Variants in CAND2 observed in about 807,000 individuals in gnomAD.
CAND2 encodes the protein cullin associated and neddylation dissociated 2 (putative), also known as cullin-associated NEDD8-dissociated protein 2.
In CAND2, 62 loss-of-function variants were observed where a neutral mutation model predicts 98.9. That is an observed-to-expected ratio of 0.63 (90% confidence interval 0.51 to 0.77). The LOEUF is 0.77. CAND2 is among the 30% of genes least tolerant of loss of function. The pLI, the probability that CAND2 is intolerant of heterozygous loss-of-function variation, is 0.00. For synonymous variants in CAND2, 770 were observed against 731.9 expected, an observed-to-expected ratio of 1.05 and a Z score of -0.84; for missense variants, 1,501 against 1,655.2, an observed-to-expected ratio of 0.91 and a Z score of 1.62.
chr3:12,833,118 C>T (rs2062068839), intron 14 of CAND2, among the ~76,000 whole-genome samples: 1 of 152,182 alleles, frequency 6.6e-6, no homozygotes, highest in African/African-American at 2.4e-5. Context: ...AGCTGTTACC[C>T]ACTGCATTGA....
rs1173849407 is a variant in CAND2 at position 12,796,774 on chromosome 3, C to A, written c.54C>A (p.Ser18Arg). 4 of 1,588,706 alleles carry A rather than the reference C, an allele frequency of 2.5e-6. No homozygotes were observed. In the African/African-American group the frequency reaches 5.4e-5, roughly 21 times the overall value. The change falls in exon 1 of 15, where the codon AGC becomes AGA. Residue 18 changes from serine to arginine, a missense_variant. Physicochemically the swap from Ser to Arg is moderately radical, Grantham distance 110. This residue lies in a region of CAND2 where 62 missense variants were observed against 77.3 expected (regional missense o/e 0.80). Coordinates refer to ENST00000456430, the MANE Select transcript of CAND2 (RefSeq NM_001162499.2). ...ISSLLEKMTS[S>R]DKDFRFMATS... The stretch of plus-strand genomic sequence containing the variant: ...GCCTCCTGGAGAAGATGACGTCCAG[C>A]GACAAGGACTTCAGGTGCAGCCCGC...
intron 1 of CAND2, among the ~76,000 whole-genome samples, chr3:12,797,516 T>C (rs2061735406): frequency 6.6e-6 from 1 of 151,898 alleles, no homozygotes. Context: ...TCTTTCCCCC[T>C]CTCACAGCAT....
rs769388178 is a variant in CAND2, at chr3:12,815,106, A to G, written c.1007-35A>G. On this transcript the variant is annotated intron_variant, in intron 7 of 14. Transcript: ENST00000456430. This position sits in a 1 kb window ranked among gnomAD's most constrained non-coding sequence, Gnocchi z 5.7. ...CCGAGCCACAGACCTGTCCTGGGAG[A>G]TGAGGGTTCCACGTGTGTCTTGTTC... 20 of 1,575,870 alleles carry G rather than the reference A, an allele frequency of 1.3e-5. No homozygotes were observed. Among genetic ancestry groups the G allele is most frequent in the Middle Eastern group, 1.7e-4 (1 of 5,916 alleles).
Position 12,833,880 on chromosome 3 carries a change from C to G in CAND2, c.3609C>G (p.Phe1203Leu). The G allele has an allele frequency of 6.2e-7, 1 of 1,614,256 alleles. No homozygotes were observed. Among genetic ancestry groups the G allele is most frequent in the Admixed American group, 1.7e-5 (1 of 60,030 alleles). Reference protein sequence around the residue: ...EVGKSPIMADFSSQIRSNPEL... With the variant: ...EVGKSPIMADLSSQIRSNPEL... Reference sequence around the variant, plus strand: ...GGAAAAGCCCCATCATGGCCGACTTCTCTTCCCAAATCAGATCCAACCCTG... The same window carrying G: ...GGAAAAGCCCCATCATGGCCGACTTGTCTTCCCAAATCAGATCCAACCCTG... Residue 1203 changes from phenylalanine to leucine, a missense_variant, in exon 15 of 15, where the codon TTC becomes TTG. Around this residue, in one of 3 missense-constraint regions of CAND2, gnomAD observed 1,427 missense variants for 1,545.3 expected, o/e 0.92. Coordinates refer to ENST00000456430, the MANE Select transcript of CAND2 (RefSeq NM_001162499.2).
rs1448938662 is a variant in CAND2 at position 12,820,171 on chromosome 3, G to A, written c.3030G>A (p.Lys1010=). 3.7e-6 allele frequency: 6 copies of A among 1,613,678 alleles called. No homozygotes were observed. Among genetic ancestry groups the A allele is most frequent in the Middle Eastern group, 1.7e-4 (1 of 6,058 alleles). ...CCCATCCCATTGACCCCCTCCTGAA[G>A]AGCTTCATCGGTGAGCACCTACCTC... ...DQPHPIDPLL[K]SFIGEFMESL... is the part of the protein sequence containing the mutation. Residue 1010 remains lysine (K), a synonymous_variant, in exon 11 of 15, where the codon AAG becomes AAA. Transcript: ENST00000456430.
chr3:12,805,912 T>C (rs542268762), intron 2 of CAND2, among the ~76,000 whole-genome samples: 5 of 152,304 alleles, frequency 3.3e-5, no homozygotes, highest in Non-Finnish European at 7.3e-5. Context: ...CTCAATAGTT[T>C]TGATGACCAA....
chr3:12,821,570 A>G (rs2061957281), intron 11 of CAND2, among the ~76,000 whole-genome samples: 1 of 152,204 alleles, frequency 6.6e-6, no homozygotes, highest in Admixed American at 6.5e-5. Context: ...CAGTGGGCAC[A>G]TGCCCCCCCT....
At chr3:12,819,868 G>A (rs2061942412) in intron 10 of CAND2, among the ~76,000 whole-genome samples, 1 of 152,206 alleles carries the variant, frequency 6.6e-6, no homozygotes, top group Non-Finnish European at 1.5e-5. Context: ...GGTGTTACCT[G>A]AGCACTGGCA....
rs186611767 is a variant in CAND2 at position 12,834,682 on chromosome 3, T to C, written c.*700T>C. 5 of 152,514 alleles carry C rather than the reference T, an allele frequency of 3.3e-5. No individual in the cohort carries two copies. Among genetic ancestry groups the C allele is most frequent in the East Asian group, 1.9e-4 (1 of 5,186 alleles). The allele number at this position is 152,514 out of a possible 1,614,324, so 9.4% of individuals were successfully genotyped here. The stretch of plus-strand genomic sequence containing the variant: ...CACCCAGGCATAACCAGTTGGTTTG[T>C]TTCCTTCTGAGGAAGGTTTCAAATG... On this transcript the variant is annotated 3_prime_UTR_variant, in exon 15 of 15. Transcript: ENST00000456430.
intron 3 of CAND2, 48 bp from the exon 4 acceptor site, chr3:12,808,162 T>C (rs1368016097): frequency 6.5e-7 from 1 of 1,546,206 alleles, no homozygotes; most frequent in Non-Finnish European, 8.7e-7. Context: ...GGAGGCTGCC[T>C]TTCCCCCAGG....
At position 12,813,364 on chromosome 3, in the gene CAND2, G is replaced by A; in HGVS notation, c.982G>A (p.Glu328Lys). ...TGAGGATGAGGAGCAGATGGAGACA[G>A]AGGATAGTGAATTCAGTGAGCAAGG... ...SDEDEEQMET[E>K]DSEFSEQESE... Residue 328 changes from glutamate to lysine, a missense_variant, in exon 7 of 15, where the codon GAG becomes AAG. Glu to Lys is a moderately conservative substitution (Grantham distance 56). Transcript: ENST00000456430. 1 of 1,614,036 alleles carries A rather than the reference G, an allele frequency of 6.2e-7. No homozygotes were observed. Among genetic ancestry groups the A allele is most frequent in the Non-Finnish European group, 8.5e-7 (1 of 1,179,970 alleles).
intron 10 of CAND2, among the ~76,000 whole-genome samples, chr3:12,818,909 A>G (rs2061931952): frequency 6.6e-6 from 1 of 152,206 alleles, no homozygotes; most frequent in African/African-American, 2.4e-5. Flanking sequence ...TAAGATGCAG[A>G]GGAGCCCTGC....
In CAND2 at chr3:12,809,523, G is replaced by C. The variant is rs986236728; in HGVS notation, c.492-536G>C. 1.6e-4 allele frequency among the ~76,000 whole-genome samples: 24 copies of C among 152,242 alleles called. 1 individual carries two copies. The Middle Eastern group carries it at 0.01, about 65-fold the overall frequency. On this transcript the variant is annotated intron_variant, in intron 4 of 14. Transcript: ENST00000456430. Reference sequence around the variant, plus strand: ...ACAGGACAGAAAATGCACGGGCCTCGTTTGAAGGTGTGGATAGAAGCTGCT... The same window carrying C: ...ACAGGACAGAAAATGCACGGGCCTCCTTTGAAGGTGTGGATAGAAGCTGCT...
intron 11 of CAND2, among the ~76,000 whole-genome samples, chr3:12,825,111 T>G (rs1304957573): frequency 2.7e-5 from 4 of 148,814 alleles, no homozygotes; most frequent in African/African-American, 1.0e-4. Flanking sequence ...TCAAAAAATT[T>G]TTTTCTTTTT....
chr3:12,816,926 A>G lies in CAND2; in HGVS notation c.1994A>G (p.Gln665Arg). Residue 665 changes from glutamine to arginine, a missense_variant, in exon 10 of 15, where the codon CAG becomes CGG. Physicochemically the swap from Gln to Arg is conservative, Grantham distance 43 (BLOSUM62 1). Around this residue, in one of 3 missense-constraint regions of CAND2, gnomAD observed 1,427 missense variants for 1,545.3 expected, o/e 0.92. Coordinates refer to ENST00000456430, the MANE Select transcript of CAND2 (RefSeq NM_001162499.2). ...HILASFLRKNQRALRLATLAA... is the reference protein window; with the variant it reads ...HILASFLRKNRRALRLATLAA... Reference sequence around the variant, plus strand: ...CTGGCCTCATTCCTGCGGAAGAACCAGCGGGCTTTGCGACTGGCCACACTG... The same window carrying G: ...CTGGCCTCATTCCTGCGGAAGAACCGGCGGGCTTTGCGACTGGCCACACTG... 6.2e-7 allele frequency: 1 copy of G among 1,613,690 alleles called. No individual in the cohort carries two copies.
At position 12,798,703 on chromosome 3, in the gene CAND2, C is replaced by T. The variant is rs73813556; in HGVS notation, c.68+1915C>T. On this transcript the variant is annotated intron_variant, in intron 1 of 14. Transcript: ENST00000456430. ...GGAGTTGGCCCTGCCAGCTACAGCC[C>T]GAGAAGCCCTTTCAGCCTGTCTCTG... 1.8e-3 allele frequency among the ~76,000 whole-genome samples: 269 copies of T among 152,260 alleles called. 1 individual carries two copies. The highest frequency in any genetic ancestry group is 6.1e-3 in the African/African-American group (252 of 41,538).
chr3:12,828,764 T>C (rs1171593487), intron 13 of CAND2, among the ~76,000 whole-genome samples: 1 of 152,230 alleles, frequency 6.6e-6, no homozygotes, highest in Non-Finnish European at 1.5e-5. Context: ...ACTGCACCCA[T>C]TCAACACTCT....
intron 10 of CAND2, among the ~76,000 whole-genome samples, chr3:12,818,183 G>T (rs1172302267): frequency 6.9e-6 from 1 of 145,440 alleles, no homozygotes; most frequent in Non-Finnish European, 1.5e-5. Context: ...CAGCACTTTG[G>T]GGAGGCTGAG....
At chr3:12,797,032 C>T (rs989874922) in intron 1 of CAND2, among the ~76,000 whole-genome samples, 1 of 151,858 alleles carries the variant, frequency 6.6e-6, no homozygotes, top group Non-Finnish European at 1.5e-5. Flanking sequence ...TGCTTCGTCT[C>T]CCACCGTGCA....
Sources: allele counts gnomAD v4.1 joint callset (sites outside exome capture counted in the v4.1 genomes callset), GRCh38; gene constraint gnomAD v4.1.1; regional missense constraint gnomAD v4.1.1; non-coding constraint Gnocchi (gnomAD v3.1); transcripts MANE v1.5; gene names NCBI Gene and HGNC (gene_info 2026-07-23, HGNC 2026-07-21).